NDUFAF6: variants seen among roughly 807,000 people sequenced by gnomAD.
The protein encoded by NDUFAF6 is NADH:ubiquinone oxidoreductase complex assembly factor 6.
In NDUFAF6, 45 loss-of-function variants were observed where a neutral mutation model predicts 40.8. That is an observed-to-expected ratio of 1.10 (90% CI 0.87 to 1.42). The LOEUF is 1.42. Ranked by LOEUF, NDUFAF6 falls within the 40% of genes most tolerant of loss-of-function variation. The pLI is 0.00. For synonymous variants in NDUFAF6, 185 were observed against 155.9 expected (o/e 1.19, Z -1.39); for missense variants, 435 against 418.5 (o/e 1.04, Z -0.34).
At chr8:94,930,538 G>A in intron 1 of NDUFAF6, 3 of 1,614,210 alleles carry the variant, frequency 1.9e-6, no homozygotes, top group Non-Finnish European at 2.5e-6. Context: ...TGCTTGACTT[G>A]CCGAGGGTGG....
chr8:94,904,310 ATTTTTTTTGCTTTTTTTTTTTTTTTT>A (rs1563695856), intron 1 of NDUFAF6, among the ~76,000 whole-genome samples: 3 of 49,024 alleles, frequency 6.1e-5, no homozygotes, highest in South Asian at 5.5e-4. Context: ...CACCTGGCTA[ATTTTTTTTGCTTTTTTTTTTTTTTTT>A]TTTTTTTTTT....
At chr8:95,117,106 C>T (rs1810151651), downstream of NDUFAF6, among the ~76,000 whole-genome samples, 1 of 152,226 alleles carries the variant, frequency 6.6e-6, no homozygotes, top group Non-Finnish European at 1.5e-5. Flanking sequence ...ATGGGATACC[C>T]TGCTGAGCAT....
At chr8:95,086,768 A>ATT (rs918109154) in intron 2 of NDUFAF6, among the ~76,000 whole-genome samples, 1 of 151,194 alleles carries the variant, frequency 6.6e-6, no homozygotes, top group African/African-American at 2.4e-5. Context: ...CGCCCGGCTA[A>ATT]TTTTTTTTGT....
At chr8:95,088,827 C>G (rs1386051648) in intron 2 of NDUFAF6, among the ~76,000 whole-genome samples, 1 of 152,054 alleles carries the variant, frequency 6.6e-6, no homozygotes, top group Admixed American at 6.6e-5. Context: ...GTGGCGCCAT[C>G]TCGGCTCACT....
chr8:95,096,331 A>G (rs761593196), upstream of NDUFAF6, among the ~76,000 whole-genome samples: 3 of 152,182 alleles, frequency 2.0e-5, no homozygotes, highest in Non-Finnish European at 2.9e-5. Flanking sequence ...GAGGTCAGGC[A>G]GAGAAGTTCT....
chr8:95,039,422 C>T (rs1418696768), intron 3 of NDUFAF6, among the ~76,000 whole-genome samples: 1 of 151,290 alleles, frequency 6.6e-6, no homozygotes, highest in Non-Finnish European at 1.5e-5. Flanking sequence ...CATTGCACTC[C>T]AGCCTGGCGA....
intron 2 of NDUFAF6, among the ~76,000 whole-genome samples, chr8:94,990,730 CAG>C (rs1292730461): frequency 1.3e-5 from 2 of 152,154 alleles, no homozygotes; most frequent in Non-Finnish European, 2.9e-5. Context: ...TTCCTCATGA[CAG>C]GGAAAAAATG....
At chr8:94,926,228 A>AGATT (rs1819879974) in intron 1 of NDUFAF6, 1 of 152,670 alleles carries the variant, frequency 6.6e-6, no homozygotes, top group Admixed American at 6.5e-5. Flanking sequence ...ATTTATGCAT[A>AGATT]GATTGATGTA....
rs57749627 is a variant in NDUFAF6 at position 94,904,320 on chromosome 8, C to CTTTTTTTTTTTTTT, written c.-936+8417_-936+8430dup. Among the ~76,000 whole-genome samples the CTTTTTTTTTTTTTT allele has an allele frequency of 1.3e-3, 44 of 34,136 alleles. 17 individuals carry two copies. Among genetic ancestry groups the CTTTTTTTTTTTTTT allele is most frequent in the African/African-American group, 2.4e-3 (16 of 6,580 alleles). 22.4% of individuals were successfully genotyped at this position (34,136 alleles called of 152,430 possible). A position where few individuals can be genotyped will look rare whatever the true frequency, so the allele number is the denominator to read the frequency against. On this transcript the variant is annotated intron_variant, in intron 1 of 14. Coordinates refer to the NDUFAF6 transcript ENST00000396113. ...CATCACACCTGGCTAATTTTTTTTGCTTTTTTTTTTTTTTTTTTTTTTTTT... is the reference window on the plus strand; with the variant it reads ...CATCACACCTGGCTAATTTTTTTTGCTTTTTTTTTTTTTTTTTTTTTTTTTTTTTTTTTTTTTTT...
At chr8:94,966,586 C>T (rs2131508669) in intron 1 of NDUFAF6, among the ~76,000 whole-genome samples, 1 of 152,178 alleles carries the variant, frequency 6.6e-6, no homozygotes, top group Non-Finnish European at 1.5e-5. Flanking sequence ...AGAGTGAGAC[C>T]TTGTCTCTAA....
In NDUFAF6 at chr8:94,917,136, A is replaced by G. The variant is rs552538098; in HGVS notation, c.-936+21209A>G. Among the ~76,000 whole-genome samples, 5 of 152,042 alleles carry G rather than the reference A, an allele frequency of 3.3e-5. No individual in the cohort carries two copies. The South Asian group carries it at 6.2e-4, about 19-fold the overall frequency. ...AAAAAAAAAAAAAAAAAAGAAAGAA[A>G]AAAGCCACAAATAATAAACTTGGAA... On this transcript the variant is annotated intron_variant, in intron 1 of 14. Coordinates refer to the NDUFAF6 transcript ENST00000396113.
intron 9 of NDUFAF6, chr8:95,067,683 A>C (rs1832735602): frequency 1.3e-5 from 2 of 151,876 alleles, no homozygotes; most frequent in South Asian, 2.1e-4. Flanking sequence ...CACTGACACC[A>C]TAGGGAGGTG....
In NDUFAF6 at chr8:95,000,954, CTTT is replaced by C. The variant is rs1158530408; in HGVS notation, c.-84+19998_-84+20000del. On this transcript the variant is annotated intron_variant, in intron 2 of 9. Transcript: ENST00000396111. ...TCTGTTTCCAAATTGCTTCCCCTTA[CTTT>C]TTTTTTTTTTTTTTTTGAGACAGGG... 2.5e-4 allele frequency among the ~76,000 whole-genome samples: 34 copies of C among 133,972 alleles called. No homozygotes were observed. In the East Asian group the frequency reaches 4.6e-3, roughly 18 times the overall value. 87.9% of individuals were successfully genotyped at this position (133,972 alleles called of 152,430 possible). A position where few individuals can be genotyped will look rare whatever the true frequency, so the allele number is the denominator to read the frequency against.
chr8:94,995,065 G>A (rs967455106), intron 2 of NDUFAF6, among the ~76,000 whole-genome samples: 3 of 152,184 alleles, frequency 2.0e-5, no homozygotes, highest in Non-Finnish European at 4.4e-5. Flanking sequence ...GCCAAGAGGT[G>A]GAAACAATCC....
chr8:95,106,133 G>A (rs1245194196), downstream of NDUFAF6, among the ~76,000 whole-genome samples: 1 of 152,060 alleles, frequency 6.6e-6, no homozygotes, highest in African/African-American at 2.4e-5. Context: ...AAATTAGCCA[G>A]GCATGGTGGC....
intron 1 of NDUFAF6, chr8:94,926,405 A>C (rs1445642983): frequency 8.9e-6 from 1 of 111,788 alleles, no homozygotes; most frequent in Non-Finnish European, 1.8e-5. Context: ...TTGAGAAAAA[A>C]AAACAAAGCC....
chr8:94,963,641 A>G (rs974627177), intron 1 of NDUFAF6, among the ~76,000 whole-genome samples: 2 of 152,220 alleles, frequency 1.3e-5, no homozygotes, highest in Non-Finnish European at 2.9e-5. Flanking sequence ...ACTAGGTAAT[A>G]GAGGATTCCA....
intron 3 of NDUFAF6, among the ~76,000 whole-genome samples, chr8:95,039,282 G>C (rs986311594): frequency 1.3e-5 from 2 of 151,632 alleles, no homozygotes; most frequent in African/African-American, 4.8e-5. Context: ...GTGAAACCCC[G>C]TCTCTACTAA....
intron 2 of NDUFAF6, among the ~76,000 whole-genome samples, chr8:95,093,050 G>C (rs12543421): frequency 0.7 from 106,364 of 151,130 alleles, 38,160 homozygotes; most frequent in East Asian, 0.9. Context: ...GAGTCAGTTT[G>C]AGCTGAGTTC....
Sources: gnomAD v4.1 joint callset for allele counts (sites outside exome capture counted in the v4.1 genomes callset) on GRCh38, gnomAD v4.1.1 for gene constraint, MANE v1.5 for transcripts, NCBI Gene and HGNC (gene_info 2026-07-23, HGNC 2026-07-21) for gene names.